The following GPRIN3 variants were observed in gnomAD, a reference collection of about 807,000 sequenced individuals.
GPRIN3 encodes the protein G protein-regulated inducer of neurite outgrowth 3.
Under a neutral mutation model 13.7 loss-of-function variants are expected in GPRIN3, and 12 were observed. That is an observed-to-expected ratio of 0.87 (90% CI 0.56 to 1.42). The LOEUF is 1.42. Among genes scored for constraint, GPRIN3 ranks in the 40% most tolerant of loss-of-function variants. The pLI is 0.00. For missense variants in GPRIN3, 1,009 were observed against 958.7 expected, an observed-to-expected ratio of 1.05 and a Z score of -0.69; for synonymous variants, 377 against 372.7, an observed-to-expected ratio of 1.01 and a Z score of -0.13.
intron 1 of GPRIN3, among the ~76,000 whole-genome samples, chr4:89,291,197 C>T (rs1369222027): frequency 6.6e-6 from 1 of 152,148 alleles, no homozygotes; most frequent in Non-Finnish European, 1.5e-5. Flanking sequence ...TAAGAATTAA[C>T]ACAAGTCACA....
intron 1 of GPRIN3, among the ~76,000 whole-genome samples, chr4:89,306,969 A>G (rs1280803357): frequency 2.0e-5 from 3 of 152,020 alleles, no homozygotes; most frequent in African/African-American, 7.3e-5. Flanking sequence ...GTTGGCTGAC[A>G]GGCTCCTTCA....
Position 89,243,812 on chromosome 4 carries a change from A to G in GPRIN3, c.*3968T>C, listed in dbSNP as rs1723013808. ...ACACATATACATATATGCAAACCTTATCCTAATGTATTGTTTTTCTTTATA... is the reference window on the plus strand; with the variant it reads ...ACACATATACATATATGCAAACCTTGTCCTAATGTATTGTTTTTCTTTATA... On this transcript the variant is annotated 3_prime_UTR_variant, in exon 2 of 2. Coordinates refer to ENST00000609438, the MANE Select transcript of GPRIN3 (RefSeq NM_198281.3). The G allele has an allele frequency of 6.6e-6, 1 of 152,168 alleles. No homozygotes were observed. Among genetic ancestry groups the G allele is most frequent in the Non-Finnish European group, 1.5e-5 (1 of 68,020 alleles). The allele number at this position is 152,168 out of a possible 1,614,324, so 9.4% of individuals were successfully genotyped here.
chr4:89,281,273 G>A (rs567431834), intron 1 of GPRIN3, among the ~76,000 whole-genome samples: 2 of 151,966 alleles, frequency 1.3e-5, no homozygotes, highest in Non-Finnish European at 1.5e-5. Context: ...ACAGGCACCC[G>A]CCACCACACC....
In GPRIN3 at chr4:89,272,921, G is replaced by A. The variant is rs1286127478; in HGVS notation, c.-123-22688C>T. ...CTTAATTCAGAGCTCCATCCAAATA[G>A]GTAACCATCAGCTTGGGCCCTCTGG... is the stretch of plus-strand genomic sequence containing the variant. On this transcript the variant is annotated intron_variant, in intron 1 of 1. Transcript: ENST00000609438. Among the ~76,000 whole-genome samples the A allele has an allele frequency of 8.5e-5, 13 of 152,302 alleles. No homozygotes were observed. In the East Asian group the frequency reaches 2.5e-3, roughly 29 times the overall value.
chr4:89,257,075 AAG>A (rs1723486909), intron 1 of GPRIN3, among the ~76,000 whole-genome samples: 1 of 152,190 alleles, frequency 6.6e-6, no homozygotes, highest in Non-Finnish European at 1.5e-5. Flanking sequence ...GCACTTTTTG[AAG>A]ACATTAGCTG....
rs766154338 is a variant in GPRIN3, at chr4:89,243,295, AT to A, written c.*4484del. 6 of 152,196 alleles carry A rather than the reference AT, an allele frequency of 3.9e-5. No homozygotes were observed. The highest frequency in any genetic ancestry group is 5.9e-5 in the Non-Finnish European group (4 of 68,034). The allele number at this position is 152,196 out of a possible 1,614,324, so 9.4% of individuals were successfully genotyped here. ...AAATTTTGTAGACATCCTTAAGCCC[AT>A]GTGTCTGGACAGATGACATTTGTAA... On this transcript the variant is annotated 3_prime_UTR_variant, in exon 2 of 2. Transcript: ENST00000609438.
At position 89,249,930 on chromosome 4, in the gene GPRIN3, C is replaced by T; in HGVS notation, c.181G>A (p.Ala61Thr). ...PAEPDLSPRA[A>T]AEALMQVCEH... The stretch of plus-strand genomic sequence containing the variant: ...CAAACCTGCATCAGGGCTTCGGCAG[C>T]TGCCCTGGGGCTGAGGTCTGGTTCT... The change falls in exon 2 of 2, where the codon GCT (alanine) becomes ACT (threonine). Residue 61 changes from alanine to threonine, a missense_variant. Coordinates refer to ENST00000609438, the MANE Select transcript of GPRIN3 (RefSeq NM_198281.3). 1 of 1,614,218 alleles carries T rather than the reference C, an allele frequency of 6.2e-7. No homozygotes were observed. The highest frequency in any genetic ancestry group is 2.2e-5 in the East Asian group (1 of 44,886).
At position 89,247,905 on chromosome 4, in the gene GPRIN3, A is replaced by C; in HGVS notation, c.2206T>G (p.Ser736Ala). 1 of 1,614,198 alleles carries C rather than the reference A, an allele frequency of 6.2e-7. No individual in the cohort carries two copies. The highest frequency in any genetic ancestry group is 8.5e-7 in the Non-Finnish European group (1 of 1,180,016). The change falls in exon 2 of 2, where the codon TCC (serine) becomes GCC (alanine). Residue 736 changes from serine to alanine, a missense_variant. Coordinates refer to ENST00000609438, the MANE Select transcript of GPRIN3 (RefSeq NM_198281.3). ...TQNSQTRRSISSDTSSNKKLR... is the reference protein window; with the variant it reads ...TQNSQTRRSIASDTSSNKKLR... Reference sequence around the variant, plus strand: ...TTCTTATTTGAAGAAGTATCTGAGGAAATGGATCTCCGGGTCTGGCTATTT... The same window carrying C: ...TTCTTATTTGAAGAAGTATCTGAGGCAATGGATCTCCGGGTCTGGCTATTT...
intron 1 of GPRIN3, among the ~76,000 whole-genome samples, chr4:89,253,399 C>G (rs899914892): frequency 1.3e-5 from 2 of 152,168 alleles, no homozygotes. Context: ...CTTTATGTGT[C>G]TGTAACCCAG....
intron 1 of GPRIN3, among the ~76,000 whole-genome samples, chr4:89,296,696 CAT>C (rs576912242): frequency 2.6e-4 from 40 of 152,054 alleles, no homozygotes; most frequent in Non-Finnish European, 4.7e-4. Context: ...TGTGCACACA[CAT>C]GTGACATAAG....
chr4:89,289,872 A>G (rs755959708), intron 1 of GPRIN3, among the ~76,000 whole-genome samples: 20 of 152,114 alleles, frequency 1.3e-4, no homozygotes, highest in Non-Finnish European at 2.4e-4. Flanking sequence ...AAAGTCTGTC[A>G]GTAACTTCTT....
rs1323181749 is a variant in GPRIN3, at chr4:89,245,018, T to C, written c.*2762A>G. On this transcript the variant is annotated 3_prime_UTR_variant, in exon 2 of 2. Coordinates refer to ENST00000609438, the MANE Select transcript of GPRIN3 (RefSeq NM_198281.3). The stretch of plus-strand genomic sequence containing the variant: ...GAAAACTGTTTTGCAGCTTCATCTG[T>C]TGAATGAACCTTAGGTTTCACAAAT... 6.6e-6 allele frequency: 1 copy of C among 152,202 alleles called. No individual in the cohort carries two copies. 9.4% of individuals were successfully genotyped at this position (152,202 alleles called of 1,614,324 possible).
chr4:89,280,254 C>T (rs189905422), intron 1 of GPRIN3, among the ~76,000 whole-genome samples: 80 of 152,252 alleles, frequency 5.3e-4, no homozygotes, highest in Middle Eastern at 3.4e-3. Flanking sequence ...AGAAATAAGC[C>T]TTCTTAACTG....
intron 1 of GPRIN3, among the ~76,000 whole-genome samples, chr4:89,262,933 G>GT (rs1561197637): frequency 6.6e-6 from 1 of 152,038 alleles, no homozygotes. Context: ...ACGAAATTAA[G>GT]TCAAAACATC....
chr4:89,249,651 A>C lies in GPRIN3; in HGVS notation c.460T>G (p.Ser154Ala), dbSNP rs768402127. 12 of 1,614,144 alleles carry C rather than the reference A, an allele frequency of 7.4e-6. No individual in the cohort carries two copies. The South Asian group carries it at 1.3e-4, about 18-fold the overall frequency. ...GAGGTTCTCTGTGATCTCATCAGGG[A>C]ATCTTCAGGCATGGATGAGGTGATG... ...NAITSSMPED[S>A]LMRSQRTSNR... Residue 154 changes from serine (S) to alanine (A), a missense_variant, in exon 2 of 2, where the codon TCC becomes GCC. Ser to Ala is a moderately conservative substitution (Grantham distance 99). Transcript: ENST00000609438.
chr4:89,261,985 G>A lies in GPRIN3; in HGVS notation c.-123-11752C>T, dbSNP rs570399480. 7.2e-4 allele frequency among the ~76,000 whole-genome samples: 110 copies of A among 152,078 alleles called. 2 individuals are homozygous for A. The highest frequency in any genetic ancestry group is 4.4e-5 in the Non-Finnish European group (3 of 67,966). On this transcript the variant is annotated intron_variant, in intron 1 of 1. Coordinates refer to ENST00000609438, the MANE Select transcript of GPRIN3 (RefSeq NM_198281.3). ...ACACACACACAAATTAGCCTGGCAT[G>A]GTGGCACGCGCCTGTGGTCCCAGCT...
rs1376293681 is a variant in GPRIN3 at position 89,248,901 on chromosome 4, A to C, written c.1210T>G (p.Phe404Val). The change falls in exon 2 of 2, where the codon TTC becomes GTC. Residue 404 changes from phenylalanine to valine, a missense_variant. Physicochemically the swap from Phe to Val is conservative, Grantham distance 50. Coordinates refer to ENST00000609438, the MANE Select transcript of GPRIN3 (RefSeq NM_198281.3). ...CTCGCAAGTTTATTTTCCCGTTGGA[A>C]AGCTGTAGACTCAGCTGCAGCTGCC... Reference protein sequence around the residue: ...IQAAAAESTAFQRENKLASLP... With the variant: ...IQAAAAESTAVQRENKLASLP... 6.2e-7 allele frequency: 1 copy of C among 1,614,012 alleles called. No individual in the cohort carries two copies. The highest frequency in any genetic ancestry group is 1.7e-5 in the Admixed American group (1 of 60,002).
chr4:89,260,565 A>G (rs1723596329), intron 1 of GPRIN3, among the ~76,000 whole-genome samples: 1 of 152,230 alleles, frequency 6.6e-6, no homozygotes, highest in Non-Finnish European at 1.5e-5. Context: ...AGACAAGACA[A>G]ATTCAATAAG....
Position 89,253,056 on chromosome 4 carries a change from G to A in GPRIN3, c.-123-2823C>T, listed in dbSNP as rs185759468. 3.2e-4 allele frequency among the ~76,000 whole-genome samples: 48 copies of A among 149,224 alleles called. No individual in the cohort carries two copies. In the East Asian group the frequency reaches 5.7e-3, roughly 18 times the overall value. ...AACAACTCCTACAGGTTGGTTGGTC[G>A]TCTGTGTCCTTTGTATTGTTCTTTT... On this transcript the variant is annotated intron_variant, in intron 1 of 1. Transcript: ENST00000609438.
Sources: allele counts gnomAD v4.1 joint callset (sites outside exome capture counted in the v4.1 genomes callset), GRCh38; gene constraint gnomAD v4.1.1; transcripts MANE v1.5; gene names NCBI Gene and HGNC (gene_info 2026-07-23, HGNC 2026-07-21).